CSF2RB: variants seen among roughly 807,000 people sequenced by gnomAD.
CSF2RB encodes colony stimulating factor 2 receptor subunit beta.
Under a neutral mutation model 67.2 loss-of-function variants are expected in CSF2RB, and 22 were observed. The ratio of observed to expected loss-of-function variants is 0.33; its 90% CI spans 0.23 to 0.47. The LOEUF is 0.47. CSF2RB is among the 20% of genes least tolerant of loss of function. The pLI, the probability that CSF2RB is intolerant of heterozygous loss-of-function variation, is 1.00. For missense variants in CSF2RB, 1,113 were observed against 1,174.5 expected (o/e 0.95, Z 0.76); for synonymous variants, 507 against 482.9 (o/e 1.05, Z -0.65).
At chr22:36,935,508 A>G in intron 11 of CSF2RB, 67 bp downstream of exon 11, 1 of 1,604,290 alleles carries the variant, frequency 6.2e-7, no homozygotes, top group Non-Finnish European at 8.5e-7. Context: ...AATCCCACCC[A>G]GCTCCCTCCA....
chr22:36,929,440 G>C lies in CSF2RB; in HGVS notation c.430G>C (p.Asp144His). The change falls in exon 5 of 14, where the codon GAC becomes CAC. Residue 144 changes from aspartate to histidine, a missense_variant. Around this residue, in one of 2 missense-constraint regions of CSF2RB, gnomAD observed 559 missense variants for 656.5 expected, o/e 0.85. Coordinates refer to ENST00000403662, the MANE Select transcript of CSF2RB (RefSeq NM_000395.3). ...GCCCAGGGACCTGCAGATCAGCACC[G>C]ACCAGGACCACTTCCTGCTGACCTG... is the stretch of plus-strand genomic sequence containing the variant. ...PEPRDLQISTDQDHFLLTWSV... is the reference protein window; with the variant it reads ...PEPRDLQISTHQDHFLLTWSV... 6.2e-7 allele frequency: 1 copy of C among 1,614,154 alleles called. No homozygotes were observed.
At chr22:36,930,888 G>A in intron 8 of CSF2RB, 58 bp downstream of exon 8, 5 of 1,598,614 alleles carry the variant, frequency 3.1e-6, no homozygotes, top group Non-Finnish European at 4.3e-6. Context: ...CCCTCATTGT[G>A]TAACCCGAAT....
At chr22:36,929,265 G>C in intron 4 of CSF2RB, 137 bp from the exon 5 acceptor site, 3 of 1,083,096 alleles carry the variant, frequency 2.8e-6, no homozygotes, top group South Asian at 2.6e-5. Flanking sequence ...CAGAGGAGAC[G>C]GGTCTTGCTC....
At chr22:36,915,948 G>A (rs956016686) in intron 1 of CSF2RB, among the ~76,000 whole-genome samples, 1 of 152,042 alleles carries the variant, frequency 6.6e-6, no homozygotes, top group South Asian at 2.1e-4. Context: ...TTCATCTCCT[G>A]TTGAATTCTC....
chr22:36,938,189 T>G lies in CSF2RB; in HGVS notation c.2381T>G (p.Leu794Arg). The G allele has an allele frequency of 1.9e-6, 3 of 1,614,122 alleles. No homozygotes were observed. Among genetic ancestry groups the G allele is most frequent in the Non-Finnish European group, 2.5e-6 (3 of 1,179,996 alleles). ...CCCCCTGAGGCCAAAAGCCCTGTCC[T>G]GAACCCAGGGGAACGCCCGGCAGAT... ...PVPPEAKSPV[L>R]NPGERPADVS... Residue 794 changes from leucine (L) to arginine (R), a missense_variant, in exon 14 of 14, where the codon CTG (leucine) becomes CGG (arginine). Around this residue, in one of 2 missense-constraint regions of CSF2RB, gnomAD observed 554 missense variants for 517.9 expected, o/e 1.07. Coordinates refer to ENST00000403662, the MANE Select transcript of CSF2RB (RefSeq NM_000395.3).
At chr22:36,930,557 C>G (rs1050599256) in intron 7 of CSF2RB, 47 bp downstream of exon 7, 1 of 1,611,926 alleles carries the variant, frequency 6.2e-7, no homozygotes, top group South Asian at 1.1e-5. Context: ...TGGCCTTGCT[C>G]TCTCCAAGCT....
At chr22:36,917,923 A>T (rs80162856) in intron 1 of CSF2RB, among the ~76,000 whole-genome samples, 1 of 96,102 alleles carries the variant, frequency 1.0e-5, no homozygotes, top group East Asian at 4.9e-4. Flanking sequence ...ATTCTGTCTC[A>T]AAAAAAAAAA....
rs58672471 is a variant in CSF2RB at position 36,920,549 on chromosome 22, A to G, written c.-172-1487A>G. 2.0e-5 allele frequency among the ~76,000 whole-genome samples: 3 copies of G among 152,186 alleles called. No individual in the cohort carries two copies. In the East Asian group the frequency reaches 5.8e-4, roughly 29 times the overall value. On this transcript the variant is annotated intron_variant, in intron 1 of 13. Transcript: ENST00000403662. ...AAATAAACTTTGTTACTAGTAAGCC[A>G]CTCCATCTATGGTATGTTGTTACAG...
Position 36,935,379 on chromosome 22 carries a change from C to T in CSF2RB, c.1344C>T (p.Ile448=), listed in dbSNP as rs538404895. Residue 448 remains isoleucine (I), a synonymous_variant, in exon 11 of 14, where the codon ATC becomes ATT. Transcript: ENST00000403662. Reference sequence around the variant, plus strand: ...TGCCTATGTGGGTGCTGGCCCTCATCGTGATCTTCCTCACCATCGCTGTGC... The same window carrying T: ...TGCCTATGTGGGTGCTGGCCCTCATTGTGATCTTCCTCACCATCGCTGTGC... ...SVLPMWVLAL[I]VIFLTIAVLL... 2.1e-5 allele frequency: 34 copies of T among 1,614,034 alleles called. No homozygotes were observed. Among genetic ancestry groups the T allele is most frequent in the African/African-American group, 4.0e-5 (3 of 74,926 alleles).
intron 4 of CSF2RB, among the ~76,000 whole-genome samples, chr22:36,928,214 TCCTC>T (rs1328787887): frequency 2.0e-5 from 3 of 152,128 alleles, no homozygotes; most frequent in Non-Finnish European, 4.4e-5. Flanking sequence ...ACATTTTACT[TCCTC>T]TATGAGTTTC....
At chr22:36,918,171 A>AT (rs947568166) in intron 1 of CSF2RB, among the ~76,000 whole-genome samples, 216 of 151,572 alleles carry the variant, frequency 1.4e-3, no homozygotes, top group African/African-American at 4.8e-3. Context: ...GCTTTCTTGG[A>AT]TTTTTTTTTC....
intron 6 of CSF2RB, among the ~76,000 whole-genome samples, 193 bp from the exon 7 acceptor site, chr22:36,930,182 A>G (rs543184706): frequency 6.6e-6 from 1 of 151,750 alleles, no homozygotes; most frequent in Admixed American, 6.5e-5. Context: ...GAGGGCGTGC[A>G]GGTGCACAGA....
rs1941209685 is a variant in CSF2RB, at chr22:36,933,771, G to A, written c.1153-61G>A. 3.9e-6 allele frequency: 6 copies of A among 1,553,494 alleles called. No homozygotes were observed. The Admixed American group carries it at 1.1e-4, about 29-fold the overall frequency. On this transcript the variant is annotated intron_variant, in intron 9 of 13. Transcript: ENST00000403662. ...AGCGAAGCCGAGGGTCCAGGTGGGAGGGATTTGCAGCTGCTCCCACGGGCA... is the reference window on the plus strand; with the variant it reads ...AGCGAAGCCGAGGGTCCAGGTGGGAAGGATTTGCAGCTGCTCCCACGGGCA...
chr22:36,924,095 G>A (rs1000284692), intron 3 of CSF2RB, among the ~76,000 whole-genome samples: 2 of 152,016 alleles, frequency 1.3e-5, no homozygotes, highest in Non-Finnish European at 2.9e-5. Flanking sequence ...GTTGGGGGGC[G>A]GGGCCGGCTC....
In CSF2RB at chr22:36,921,169, GTATATGTGTA is replaced by G. The variant is rs377468634; in HGVS notation, c.-172-852_-172-843del. On this transcript the variant is annotated intron_variant, in intron 1 of 13. Coordinates refer to ENST00000403662, the MANE Select transcript of CSF2RB (RefSeq NM_000395.3). ...TGTGAATGTGTGTGCATGTTTGTGT[GTATATGTGTA>G]TATATGTGTATATACATGTATGTAT... Among the ~76,000 whole-genome samples, 949 of 151,524 alleles carry G rather than the reference GTATATGTGTA, an allele frequency of 6.3e-3. 9 individuals are homozygous for G. Among genetic ancestry groups the G allele is most frequent in the Middle Eastern group, 0.045 (13 of 290 alleles).
At chr22:36,924,278 C>G (rs557521117) in intron 3 of CSF2RB, among the ~76,000 whole-genome samples, 2 of 151,964 alleles carry the variant, frequency 1.3e-5, no homozygotes, top group East Asian at 1.9e-4. Context: ...CTCCCCACCC[C>G]CTTTGCCCAC....
chr22:36,925,935 T>G lies in CSF2RB; in HGVS notation c.201-52T>G. The G allele has an allele frequency of 3.8e-6, 6 of 1,597,074 alleles. No homozygotes were observed. The South Asian group carries it at 5.5e-5, about 15-fold the overall frequency. On this transcript the variant is annotated intron_variant, in intron 3 of 13. Transcript: ENST00000403662. The stretch of plus-strand genomic sequence containing the variant: ...TGGTGAGCACTCGAGGAACCTTTCG[T>G]GAGTCAGTGATACCCATACACCCTG...
intron 10 of CSF2RB, among the ~76,000 whole-genome samples, chr22:36,934,871 G>T (rs866804857): frequency 6.6e-6 from 1 of 152,334 alleles, no homozygotes; most frequent in African/African-American, 2.4e-5. Flanking sequence ...AGGAAGAGGG[G>T]AGTCCTGGAG....
At chr22:36,928,185 C>T (rs1941066609) in intron 4 of CSF2RB, among the ~76,000 whole-genome samples, 2 of 152,134 alleles carry the variant, frequency 1.3e-5, no homozygotes, top group Middle Eastern at 3.2e-3. Context: ...CTCTGAGTCT[C>T]CATGTTTGGA....
Sources: gnomAD v4.1 joint callset for allele counts (sites outside exome capture counted in the v4.1 genomes callset) on GRCh38, gnomAD v4.1.1 for gene constraint, gnomAD v4.1.1 regional missense constraint, MANE v1.5 for transcripts, NCBI Gene and HGNC (gene_info 2026-07-23, HGNC 2026-07-21) for gene names.